The following SUGCT variants were observed in gnomAD, a reference collection of about 807,000 sequenced individuals.
SUGCT encodes succinyl-CoA:glutarate CoA-transferase.
A neutral mutation model predicts 55.0 loss-of-function variants in SUGCT; 41 were observed. The ratio of observed to expected loss-of-function variants is 0.74; its 90% confidence interval spans 0.58 to 0.97. The LOEUF (loss-of-function observed/expected upper bound fraction) is 0.97. Among genes scored for constraint, SUGCT ranks in the 50% least tolerant of loss-of-function variants. The pLI is 0.00. For synonymous variants in SUGCT, 187 were observed against 200.4 expected (o/e 0.93, Z 0.56); for missense variants, 568 against 547.8 (o/e 1.04, Z -0.37).
At chr7:40,489,919 C>T (rs778882097) in intron 11 of SUGCT, among the ~76,000 whole-genome samples, 6 of 152,114 alleles carry the variant, frequency 3.9e-5, no homozygotes, top group Non-Finnish European at 8.8e-5. Context: ...TGTTACAGTC[C>T]TCACCATCTG....
chr7:40,135,048 G>A lies in SUGCT; in HGVS notation c.28G>A (p.Ala10Thr), dbSNP rs765041508. The change falls in exon 1 of 14, where the codon GCT becomes ACT. Residue 10 changes from alanine (A) to threonine (T), a missense_variant. Physicochemically the swap from Ala to Thr is moderately conservative, Grantham distance 58. Coordinates refer to ENST00000335693, the MANE Select transcript of SUGCT (RefSeq NM_001193313.2). ...GCTGGCGACGCTGGCGAGGGTGGCAGCTCTGCGCAGAACCTGCCTCTTCTC... is the reference window on the plus strand; with the variant it reads ...GCTGGCGACGCTGGCGAGGGTGGCAACTCTGCGCAGAACCTGCCTCTTCTC... MLATLARVA[A>T]LRRTCLFSGR... is the part of the protein sequence containing the mutation. 2 of 1,562,018 alleles carry A rather than the reference G, an allele frequency of 1.3e-6. No homozygotes were observed. Among genetic ancestry groups the A allele is most frequent in the Non-Finnish European group, 8.7e-7 (1 of 1,154,718 alleles).
At chr7:40,315,517 C>T (rs928642025) in intron 8 of SUGCT, among the ~76,000 whole-genome samples, 7 of 152,120 alleles carry the variant, frequency 4.6e-5, no homozygotes, top group South Asian at 2.1e-4. Flanking sequence ...TTTGACAGAG[C>T]GGTAAATGAA....
At chr7:40,794,082 A>G (rs1310179528) in intron 13 of SUGCT, among the ~76,000 whole-genome samples, 1 of 152,136 alleles carries the variant, frequency 6.6e-6, no homozygotes, top group African/African-American at 2.4e-5. Context: ...TTGATAATCT[A>G]ATAGCTGAAC....
At chr7:40,322,076 C>T (rs1007122146) in intron 9 of SUGCT, among the ~76,000 whole-genome samples, 26 of 152,152 alleles carry the variant, frequency 1.7e-4, no homozygotes. Flanking sequence ...CTCTTTTCTC[C>T]ATGTCCTCAC....
intron 12 of SUGCT, among the ~76,000 whole-genome samples, chr7:40,510,650 G>A (rs1482088870): frequency 1.3e-5 from 2 of 152,064 alleles, no homozygotes; most frequent in African/African-American, 4.8e-5. Context: ...AAGAGGCAAC[G>A]TTAAGCGTTT....
chr7:40,662,648 C>T (rs1562932538), intron 12 of SUGCT, among the ~76,000 whole-genome samples: 1 of 152,184 alleles, frequency 6.6e-6, no homozygotes, highest in Non-Finnish European at 1.5e-5. Flanking sequence ...GCATTCTCCT[C>T]CTCTTTCAGG....
chr7:40,509,629 A>T (rs1480440376), intron 12 of SUGCT, among the ~76,000 whole-genome samples: 1 of 151,936 alleles, frequency 6.6e-6, no homozygotes, highest in African/African-American at 2.4e-5. Flanking sequence ...CCTTTCCTAT[A>T]AGCCAGAACT....
chr7:40,157,511 C>T (rs576610701), intron 1 of SUGCT, among the ~76,000 whole-genome samples: 2 of 152,224 alleles, frequency 1.3e-5, no homozygotes, highest in African/African-American at 4.8e-5. Flanking sequence ...TGTTTACTTT[C>T]AGGTTACAAG....
At chr7:40,376,657 G>A (rs1369316596) in intron 9 of SUGCT, among the ~76,000 whole-genome samples, 3 of 152,002 alleles carry the variant, frequency 2.0e-5, no homozygotes, top group African/African-American at 4.8e-5. Flanking sequence ...CTCCCAAAGT[G>A]CTGGGATTAC....
intron 8 of SUGCT, among the ~76,000 whole-genome samples, chr7:40,279,646 A>G (rs1006075407): frequency 4.6e-5 from 7 of 151,988 alleles, no homozygotes; most frequent in Admixed American, 1.3e-4. Context: ...CTAATAACAT[A>G]ATTATTTTAT....
the SUGCT span, among the ~76,000 whole-genome samples, chr7:40,961,285 A>G: frequency 6.6e-6 from 1 of 152,204 alleles, no homozygotes; most frequent in African/African-American, 2.4e-5. Flanking sequence ...GGCTCTGGAG[A>G]CAGATGGGAT....
chr7:40,906,115 G>GT, the SUGCT span, among the ~76,000 whole-genome samples: 1 of 150,686 alleles, frequency 6.6e-6, no homozygotes, highest in Admixed American at 6.6e-5. Context: ...TTCCAGAGCT[G>GT]TTTTTTGTTT....
chr7:40,166,850 G>A (rs1784448652), intron 1 of SUGCT, among the ~76,000 whole-genome samples: 1 of 147,264 alleles, frequency 6.8e-6, no homozygotes, highest in Non-Finnish European at 1.5e-5. Context: ...TTGCGCCACT[G>A]CACTCCAGCC....
chr7:40,899,649 T>C, the SUGCT span, among the ~76,000 whole-genome samples: 1 of 151,340 alleles, frequency 6.6e-6, no homozygotes, highest in Non-Finnish European at 1.5e-5. Context: ...TCCAGGACTC[T>C]TTCCTACTTT....
In SUGCT at chr7:40,772,494, ATATCTATCTATCTATCTATC is replaced by A. The variant is rs70990644; in HGVS notation, c.1153+23047_1153+23066del. ...ATCCTTATGTGTCAATTCTTTTGAAATATCTATCTATCTATCTATCTATCTATCTATCTATCTATCTATCT... is the reference window on the plus strand; with the variant it reads ...ATCCTTATGTGTCAATTCTTTTGAAATATCTATCTATCTATCTATCTATCT... On this transcript the variant is annotated intron_variant, in intron 13 of 13. Coordinates refer to ENST00000335693, the MANE Select transcript of SUGCT (RefSeq NM_001193313.2). Among the ~76,000 whole-genome samples, 700 of 99,388 alleles carry A rather than the reference ATATCTATCTATCTATCTATC, an allele frequency of 7.0e-3. 8 individuals are homozygous for A. Among genetic ancestry groups the A allele is most frequent in the Admixed American group, 8.4e-3 (80 of 9,552 alleles). 65.2% of individuals were successfully genotyped at this position (99,388 alleles called of 152,430 possible). A position where few individuals can be genotyped will look rare whatever the true frequency, so the allele number is the denominator to read the frequency against.
At chr7:40,788,880 T>G (rs920827703) in intron 13 of SUGCT, among the ~76,000 whole-genome samples, 1 of 152,208 alleles carries the variant, frequency 6.6e-6, no homozygotes, top group African/African-American at 2.4e-5. Context: ...TTGGGAAAAC[T>G]ATCTCTTTTT....
chr7:40,479,331 T>C (rs1163122614), intron 11 of SUGCT, among the ~76,000 whole-genome samples: 1 of 152,152 alleles, frequency 6.6e-6, no homozygotes, highest in Non-Finnish European at 1.5e-5. Flanking sequence ...ATTTTTGTTG[T>C]TCCTTTTCTT....
rs555030705 is a variant in SUGCT at position 40,777,107 on chromosome 7, G to A, written c.1153+27610G>A. Among the ~76,000 whole-genome samples, 10 of 152,296 alleles carry A rather than the reference G, an allele frequency of 6.6e-5. No homozygotes were observed. In the South Asian group the frequency reaches 1.9e-3, roughly 28 times the overall value. On this transcript the variant is annotated intron_variant, in intron 13 of 13. Transcript: ENST00000335693. ...TCAAAATCCTACTACCAGGGGTAGA[G>A]ATGAGAGAGAATTTTCTTCTCTTCT... is the stretch of plus-strand genomic sequence containing the variant.
chr7:40,397,004 T>G (rs919712794), intron 9 of SUGCT, among the ~76,000 whole-genome samples: 1 of 152,208 alleles, frequency 6.6e-6, no homozygotes, highest in Non-Finnish European at 1.5e-5. Flanking sequence ...ACTATACTGG[T>G]CTTTAAAAAT....
Sources: allele counts gnomAD v4.1 joint callset (sites outside exome capture counted in the v4.1 genomes callset), GRCh38; gene constraint gnomAD v4.1.1; transcripts MANE v1.5; gene names NCBI Gene and HGNC (gene_info 2026-07-23, HGNC 2026-07-21).